Variants in CEMIP observed in about 807,000 individuals in gnomAD.
CEMIP encodes cell migration-inducing and hyaluronan-binding protein.
CEMIP carries 105 observed loss-of-function variants against 156.9 expected under a neutral mutation model. That is an observed-to-expected ratio of 0.67 (90% CI 0.57 to 0.79). The LOEUF is 0.79. CEMIP is among the 30% of genes least tolerant of loss of function. CEMIP has a pLI of 0.00. For missense variants in CEMIP, 1,457 were observed against 1,769.4 expected (o/e 0.82, Z 3.17); for synonymous variants, 676 against 668.4 (o/e 1.01, Z -0.17).
chr15:80,942,443 G>C, intron 27 of CEMIP, 106 bp downstream of exon 27: 1 of 985,556 alleles, frequency 1.0e-6, no homozygotes, highest in South Asian at 1.3e-5. Flanking sequence ...CAAGGTGTTG[G>C]CAGGGGTGGT....
At chr15:80,800,636 G>A (rs11633017) in intron 1 of CEMIP, among the ~76,000 whole-genome samples, 114,084 of 152,108 alleles carry the variant, frequency 0.75, 42,896 homozygotes, top group East Asian at 0.89. Flanking sequence ...CATGCTCTTA[G>A]GGAGTCTTTA....
Position 80,880,942 on chromosome 15 carries a change from G to A in CEMIP, c.423G>A (p.Lys141=), listed in dbSNP as rs1441835378. The A allele has an allele frequency of 6.2e-7, 1 of 1,614,206 alleles. No individual in the cohort carries two copies. Among genetic ancestry groups the A allele is most frequent in the Non-Finnish European group, 8.5e-7 (1 of 1,180,034 alleles). The change falls in exon 6 of 30, where the codon AAG becomes AAA. Residue 141 remains lysine (K), a synonymous_variant. Transcript: ENST00000394685. ...AGCCGGATCCTTACTATGGTCTGAA[G>A]TACATTGGGGTTGGTAAAGGAGGCG... is the stretch of plus-strand genomic sequence containing the variant. ...GIQPDPYYGL[K]YIGVGKGGAL...
intron 13 of CEMIP, among the ~76,000 whole-genome samples, chr15:80,907,822 A>G (rs1272432949): frequency 6.6e-6 from 1 of 152,228 alleles, no homozygotes; most frequent in East Asian, 1.9e-4. Flanking sequence ...TCATGTGGTA[A>G]TTGGTTTCAA....
intron 10 of CEMIP, among the ~76,000 whole-genome samples, chr15:80,893,781 C>T (rs1596165105): frequency 6.6e-6 from 1 of 151,938 alleles, no homozygotes; most frequent in Admixed American, 6.5e-5. Context: ...TTCTTCCAAG[C>T]CAAAGATAAC....
chr15:80,795,423 C>A (rs570144769), intron 1 of CEMIP, among the ~76,000 whole-genome samples: 1 of 151,668 alleles, frequency 6.6e-6, no homozygotes, highest in South Asian at 2.1e-4. Context: ...GTGGGTGGAT[C>A]CAGCTGGTGT....
intron 1 of CEMIP, among the ~76,000 whole-genome samples, chr15:80,800,984 C>T (rs1037066228): frequency 6.6e-6 from 1 of 152,204 alleles, no homozygotes. Context: ...CTGTTTTAGA[C>T]TCTAGCAACA....
At chr15:80,830,906 T>G (rs1360330709) in intron 1 of CEMIP, among the ~76,000 whole-genome samples, 4 of 152,116 alleles carry the variant, frequency 2.6e-5, no homozygotes, top group Non-Finnish European at 5.9e-5. Flanking sequence ...GGCAATAATA[T>G]CTGCTTGTAT....
At chr15:80,839,094 G>C (rs890369479) in intron 1 of CEMIP, among the ~76,000 whole-genome samples, 1 of 152,192 alleles carries the variant, frequency 6.6e-6, no homozygotes. Context: ...CTGGGGTTGA[G>C]GTGTTCGGGG....
intron 12 of CEMIP, among the ~76,000 whole-genome samples, chr15:80,905,238 C>T (rs905379165): frequency 6.6e-6 from 1 of 152,190 alleles, no homozygotes; most frequent in South Asian, 2.1e-4. Flanking sequence ...AAAGCCAAGC[C>T]GTGTAGGTGG....
At chr15:80,900,591 T>TGG (rs1567090769) in intron 12 of CEMIP, among the ~76,000 whole-genome samples, 2 of 86,616 alleles carry the variant, frequency 2.3e-5, no homozygotes, top group Non-Finnish European at 5.0e-5. Flanking sequence ...TAGGGGTGTG[T>TGG]GTGTGTGTGT....
chr15:80,888,015 A>T (rs1355747455), intron 8 of CEMIP, among the ~76,000 whole-genome samples: 3 of 152,200 alleles, frequency 2.0e-5, no homozygotes, highest in Non-Finnish European at 4.4e-5. Context: ...AAAACCTAGA[A>T]TTGGCATAGA....
Position 80,920,296 on chromosome 15 carries a change from G to C in CEMIP, c.2000G>C (p.Cys667Ser), listed in dbSNP as rs1277566626. Residue 667 changes from cysteine to serine, a missense_variant, in exon 15 of 30, where the codon TGC (cysteine) becomes TCC (serine). Coordinates refer to ENST00000394685, the MANE Select transcript of CEMIP (RefSeq NM_001293298.2). ...PGYIPKPRQD[C>S]NAVSTFWMAN... is the part of the protein sequence containing the mutation. ...TACATCCCCAAGCCCAGGCAAGACT[G>C]CAAGTAAGTGCCTGGACCCCTCTCT... 1 of 1,613,432 alleles carries C rather than the reference G, an allele frequency of 6.2e-7. No homozygotes were observed. Among genetic ancestry groups the C allele is most frequent in the Non-Finnish European group, 8.5e-7 (1 of 1,179,512 alleles).
In CEMIP at chr15:80,880,993, G is replaced by T. The variant is rs72740115; in HGVS notation, c.474G>T (p.Lys158Asn). ...CTCTTGAGTTGCATGGACAGAAAAA[G>T]CTCTCCTGGACATTTCTGAACAAGA... ...GGALELHGQK[K>N]LSWTFLNKTL... is the part of the protein sequence containing the mutation. The change falls in exon 6 of 30, where the codon AAG becomes AAT. Residue 158 changes from lysine to asparagine, a missense_variant. Around this residue, in one of 5 missense-constraint regions of CEMIP, gnomAD observed 309 missense variants for 340.8 expected, o/e 0.91. Coordinates refer to ENST00000394685, the MANE Select transcript of CEMIP (RefSeq NM_001293298.2). 1 of 1,614,092 alleles carries T rather than the reference G, an allele frequency of 6.2e-7. No individual in the cohort carries two copies. The highest frequency in any genetic ancestry group is 8.5e-7 in the Non-Finnish European group (1 of 1,180,034).
chr15:80,866,963 T>G (rs1898146186), intron 1 of CEMIP, among the ~76,000 whole-genome samples: 1 of 152,068 alleles, frequency 6.6e-6, no homozygotes, highest in South Asian at 2.1e-4. Context: ...AGATGACATG[T>G]GTCCCATAAC....
chr15:80,900,638 G>GTGTGTGTGTGTCTGTGTGTGTC (rs1899469498), intron 12 of CEMIP, among the ~76,000 whole-genome samples: 1 of 101,926 alleles, frequency 9.8e-6, no homozygotes, highest in Non-Finnish European at 2.1e-5. Context: ...GTGTGTGTGT[G>GTGTGTGTGTGTCTGTGTGTGTC]TGTGTGTGTG....
At chr15:80,924,015 A>G (rs973330364) in intron 17 of CEMIP, among the ~76,000 whole-genome samples, 1 of 152,236 alleles carries the variant, frequency 6.6e-6, no homozygotes, top group African/African-American at 2.4e-5. Flanking sequence ...ACAAGAGGCC[A>G]CGAGAATCCA....
At chr15:80,814,313 T>C (rs531300408) in intron 1 of CEMIP, among the ~76,000 whole-genome samples, 1 of 152,204 alleles carries the variant, frequency 6.6e-6, no homozygotes, top group Admixed American at 6.5e-5. Context: ...CCTCCCAAAG[T>C]GCTAGGATTA....
chr15:80,800,879 G>A (rs1896358490), intron 1 of CEMIP, among the ~76,000 whole-genome samples: 1 of 152,184 alleles, frequency 6.6e-6, no homozygotes, highest in African/African-American at 2.4e-5. Flanking sequence ...GAGGTTTGGG[G>A]ATCTCTGGGG....
intron 17 of CEMIP, 144 bp downstream of exon 17, chr15:80,922,281 C>T: frequency 9.2e-7 from 1 of 1,081,432 alleles, no homozygotes; most frequent in Non-Finnish European, 1.4e-6. Flanking sequence ...ATGGAGCAGC[C>T]TTGCGAGGCC....
Sources: allele counts gnomAD v4.1 joint callset (sites outside exome capture counted in the v4.1 genomes callset), GRCh38; gene constraint gnomAD v4.1.1; regional missense constraint gnomAD v4.1.1; transcripts MANE v1.5; gene names NCBI Gene and HGNC (gene_info 2026-07-23, HGNC 2026-07-21).